Variants in TECTA observed in about 807,000 individuals in gnomAD.
TECTA encodes the protein tectorin alpha, also known as alpha-tectorin.
In TECTA, 128 loss-of-function variants were observed where a neutral mutation model predicts 216.8. The observed-to-expected ratio is 0.59, with a 90% CI of 0.51 to 0.68. The LOEUF is 0.68. TECTA is among the 30% of genes least tolerant of loss of function. The probability of loss-of-function intolerance (pLI) is 0.00; values close to 1 mark genes in which losing one functional copy is unlikely to be tolerated. For synonymous variants in TECTA, 1,089 were observed against 1,117.1 expected (o/e 0.97, Z 0.50); for missense variants, 2,551 against 2,786.2 (o/e 0.92, Z 1.90).
chr11:121,158,173 C>A lies in TECTA; in HGVS notation c.4638C>A (p.Tyr1546Ter). 1.2e-6 allele frequency: 2 copies of A among 1,614,146 alleles called. No homozygotes were observed. The highest frequency in any genetic ancestry group is 1.7e-6 in the Non-Finnish European group (2 of 1,180,048). Reference sequence around the variant, plus strand: ...ACCTCACCATCATTTCGCCCGTCTACTTCTACATTAACGAAGAGCAGATTC... The same window carrying A: ...ACCTCACCATCATTTCGCCCGTCTAATTCTACATTAACGAAGAGCAGATTC... ...APNLTIISPV[Y>*]FYINEEQILI... The change falls in exon 14 of 24, where the codon TAC becomes TAA. Residue 1546 changes from tyrosine (Y) to a stop codon, truncating the protein, a stop_gained. Transcript: ENST00000392793. LOFTEE classifies it high-confidence loss of function.
chr11:121,189,868 A>C lies in TECTA; in HGVS notation c.6355A>C (p.Lys2119Gln), dbSNP rs759604663. Residue 2119 changes from lysine to glutamine, a missense_variant, in exon 23 of 24, where the codon AAG becomes CAG. This residue lies in a region of TECTA where 118 missense variants were observed against 116.4 expected (regional missense o/e 1.01). Coordinates refer to ENST00000392793, the MANE Select transcript of TECTA (RefSeq NM_005422.4). ...AACAGGAACCCTGCAGGAGGACGGCAAGAGCTGCAGAGGTAGACACTCTTC... is the reference window on the plus strand; with the variant it reads ...AACAGGAACCCTGCAGGAGGACGGCCAGAGCTGCAGAGGTAGACACTCTTC... ...CVTGTLQEDG[K>Q]SCRASNSSME... is the part of the protein sequence containing the mutation. 4 of 1,612,996 alleles carry C rather than the reference A, an allele frequency of 2.5e-6. No individual in the cohort carries two copies. Among genetic ancestry groups the C allele is most frequent in the Non-Finnish European group, 3.4e-6 (4 of 1,179,820 alleles).
rs1184029784 is a variant in TECTA at position 121,137,525 on chromosome 11, G to A, written c.3046G>A (p.Gly1016Arg). 1.2e-6 allele frequency: 2 copies of A among 1,613,826 alleles called. No individual in the cohort carries two copies. The highest frequency in any genetic ancestry group is 1.3e-5 in the African/African-American group (1 of 74,860). ...GPICVDSCSE[G>R]CQCDEGYALL... ...CATCTGCGTGGATAGCTGCTCTGAGGGATGTCAGTGTGATGAGGGCTATGC... is the reference window on the plus strand; with the variant it reads ...CATCTGCGTGGATAGCTGCTCTGAGAGATGTCAGTGTGATGAGGGCTATGC... The change falls in exon 11 of 24, where the codon GGA (glycine) becomes AGA (arginine). Residue 1016 changes from glycine to arginine, a missense_variant. Gly to Arg is a moderately radical substitution (Grantham distance 125, BLOSUM62 -2). Coordinates refer to ENST00000392793, the MANE Select transcript of TECTA (RefSeq NM_005422.4).
At chr11:121,161,392 T>C (rs746896863) in intron 15 of TECTA, among the ~76,000 whole-genome samples, 1 of 152,088 alleles carries the variant, frequency 6.6e-6, no homozygotes, top group African/African-American at 2.4e-5. Context: ...GACCTACAGA[T>C]AGAAAAGAGA....
At chr11:121,160,858 T>A (rs1166065596) in intron 15 of TECTA, among the ~76,000 whole-genome samples, 1 of 152,200 alleles carries the variant, frequency 6.6e-6, no homozygotes, top group Non-Finnish European at 1.5e-5. Context: ...TGTGGTTGTG[T>A]AGGCAGAAGT....
At chr11:121,184,016 T>C (rs1221943490) in intron 20 of TECTA, among the ~76,000 whole-genome samples, 2 of 152,170 alleles carry the variant, frequency 1.3e-5, no homozygotes, top group Non-Finnish European at 2.9e-5. Context: ...CTTGAACTCT[T>C]AGGCTCAAGT....
chr11:121,164,612 C>A (rs1040513029), intron 16 of TECTA, among the ~76,000 whole-genome samples: 20 of 151,988 alleles, frequency 1.3e-4, no homozygotes, highest in Non-Finnish European at 2.6e-4. Context: ...TATAGTTTTC[C>A]CCTTTTGGCA....
intron 13 of TECTA, among the ~76,000 whole-genome samples, chr11:121,154,633 A>G (rs376257031): frequency 3.9e-5 from 6 of 152,186 alleles, no homozygotes; most frequent in Admixed American, 6.5e-5. Flanking sequence ...GCATAATTCA[A>G]TGAAACCTGG....
Position 121,118,469 on chromosome 11 carries a change from G to T in TECTA, c.954G>T (p.Glu318Asp). The change falls in exon 7 of 24, where the codon GAG becomes GAT. Residue 318 changes from glutamate (E) to aspartate (D), a missense_variant. Physicochemically the swap from Glu to Asp is conservative, Grantham distance 45. Transcript: ENST00000392793. ...KGKFFYCSAV[E>D]TSTCVVFGEP... Reference sequence around the variant, plus strand: ...AATTCTTCTACTGCAGCGCTGTGGAGACCAGCACATGCGTGGTGTTTGGGG... The same window carrying T: ...AATTCTTCTACTGCAGCGCTGTGGATACCAGCACATGCGTGGTGTTTGGGG... The T allele has an allele frequency of 6.2e-7, 1 of 1,614,224 alleles. No homozygotes were observed. The highest frequency in any genetic ancestry group is 8.5e-7 in the Non-Finnish European group (1 of 1,180,034).
At chr11:121,138,857 G>A (rs1237058525) in intron 11 of TECTA, among the ~76,000 whole-genome samples, 1 of 152,200 alleles carries the variant, frequency 6.6e-6, no homozygotes, top group Non-Finnish European at 1.5e-5. Flanking sequence ...CTGATTTAGG[G>A]TGCTTGCCTT....
At chr11:121,153,140 T>G (rs567600522) in intron 13 of TECTA, 60 bp downstream of exon 13, 12 of 1,557,598 alleles carry the variant, frequency 7.7e-6, no homozygotes, top group African/African-American at 2.7e-5. Context: ...TCTCCAACTC[T>G]AAGAGGTTGG....
At chr11:121,184,720 C>G (rs1947263628) in intron 20 of TECTA, among the ~76,000 whole-genome samples, 1 of 152,154 alleles carries the variant, frequency 6.6e-6, no homozygotes, top group Admixed American at 6.5e-5. Flanking sequence ...CAAGACACAC[C>G]GACTCCCTAA....
At chr11:121,143,101 A>G (rs1256104044) in intron 11 of TECTA, among the ~76,000 whole-genome samples, 1 of 152,104 alleles carries the variant, frequency 6.6e-6, no homozygotes, top group East Asian at 1.9e-4. Context: ...TCATCTTCCT[A>G]CTTAAATTCT....
At position 121,129,996 on chromosome 11, in the gene TECTA, G is replaced by T; in HGVS notation, c.2726G>T (p.Arg909Leu). The T allele has an allele frequency of 1.2e-6, 2 of 1,606,068 alleles. No individual in the cohort carries two copies. The highest frequency in any genetic ancestry group is 2.2e-5 in the East Asian group (1 of 44,720). The change falls in exon 10 of 24, where the codon CGC becomes CTC. Residue 909 changes from arginine to leucine, a missense_variant. Coordinates refer to ENST00000392793, the MANE Select transcript of TECTA (RefSeq NM_005422.4). ...DSELLKFYRS[R>L]SRCGIINDPS... ...GAGCTGCTCAAGTTTTATCGAAGCC[G>T]CTCCAGGTGCGGCATCATCAACGAC...
At chr11:121,139,819 C>T (rs1057100237) in intron 11 of TECTA, among the ~76,000 whole-genome samples, 1 of 152,222 alleles carries the variant, frequency 6.6e-6, no homozygotes, top group Non-Finnish European at 1.5e-5. Flanking sequence ...AGGAGTGTGT[C>T]AGAGGCTTGG....
chr11:121,131,128 C>G (rs932983517), intron 10 of TECTA, among the ~76,000 whole-genome samples: 1 of 148,530 alleles, frequency 6.7e-6, no homozygotes, highest in South Asian at 2.2e-4. Context: ...GCAGGAGAAT[C>G]GCTTGTACCT....
rs142273063 is a variant in TECTA at position 121,139,262 on chromosome 11, C to T, written c.3543+1240C>T. Reference sequence around the variant, plus strand: ...ATTACATTCATCAGGCTGTATTTTTCGTGATCTTCATGTCTAAAGTGTTCT... The same window carrying T: ...ATTACATTCATCAGGCTGTATTTTTTGTGATCTTCATGTCTAAAGTGTTCT... On this transcript the variant is annotated intron_variant, in intron 11 of 23. Coordinates refer to ENST00000392793, the MANE Select transcript of TECTA (RefSeq NM_005422.4). Among the ~76,000 whole-genome samples, 19 of 152,308 alleles carry T rather than the reference C, an allele frequency of 1.2e-4. No homozygotes were observed. In the East Asian group the frequency reaches 2.7e-3, roughly 22 times the overall value.
At chr11:121,166,221 A>C (rs992020247) in intron 17 of TECTA, among the ~76,000 whole-genome samples, 2 of 152,130 alleles carry the variant, frequency 1.3e-5, no homozygotes, top group Non-Finnish European at 2.9e-5. Context: ...TGTCCCTTGG[A>C]GGCATGTTCT....
chr11:121,147,865 T>A (rs1321848345), intron 12 of TECTA, among the ~76,000 whole-genome samples: 2 of 152,102 alleles, frequency 1.3e-5, no homozygotes, highest in African/African-American at 4.8e-5. Flanking sequence ...AACAGGGAAA[T>A]GCACACAGGG....
At chr11:121,166,971 G>A (rs1476983174) in intron 18 of TECTA, among the ~76,000 whole-genome samples, 191 bp downstream of exon 18, 1 of 152,244 alleles carries the variant, frequency 6.6e-6, no homozygotes, top group Non-Finnish European at 1.5e-5. Flanking sequence ...GATTGACGGA[G>A]TTGAAAGAGT....
Sources: allele counts gnomAD v4.1 joint callset (sites outside exome capture counted in the v4.1 genomes callset), GRCh38; gene constraint gnomAD v4.1.1; regional missense constraint gnomAD v4.1.1; transcripts MANE v1.5; gene names NCBI Gene and HGNC (gene_info 2026-07-23, HGNC 2026-07-21).